EIF4B: variants seen among roughly 807,000 people sequenced by gnomAD.
The protein encoded by EIF4B is eukaryotic translation initiation factor 4B.
EIF4B carries 8 observed loss-of-function variants against 79.3 expected under a neutral mutation model. That is an observed-to-expected ratio of 0.10 (90% CI 0.06 to 0.18). The LOEUF (loss-of-function observed/expected upper bound fraction) is 0.18, where lower values mean the gene tolerates loss of function less well. Among genes scored for constraint, EIF4B ranks in the 10% least tolerant of loss-of-function variants. The probability of loss-of-function intolerance (pLI) is 1.00; values close to 1 mark genes in which losing one functional copy is unlikely to be tolerated. For missense variants in EIF4B, 515 were observed against 792.4 expected (o/e 0.65, Z 4.20); for synonymous variants, 238 against 274.7 (o/e 0.87, Z 1.32).
In EIF4B at chr12:53,018,999, G is replaced by T; in HGVS notation, c.353G>T (p.Gly118Val). Residue 118 changes from glycine (G) to valine (V), a missense_variant, in exon 3 of 15, where the codon GGA becomes GTA. Physicochemically the swap from Gly to Val is moderately radical, Grantham distance 109. Around this residue, in one of 6 missense-constraint regions of EIF4B, gnomAD observed 105 missense variants for 177.2 expected, o/e 0.59. Coordinates refer to ENST00000262056, the MANE Select transcript of EIF4B (RefSeq NM_001417.7). Reference protein sequence around the residue: ...TEESIKEFFRGLNISAVRLPR... With the variant: ...TEESIKEFFRVLNISAVRLPR... ...GAGTCAATTAAGGAATTCTTTCGAG[G>T]ATTAAATGTAAGTGTAAAAGTTGTA... 1 of 1,613,670 alleles carries T rather than the reference G, an allele frequency of 6.2e-7. No homozygotes were observed. Among genetic ancestry groups the T allele is most frequent in the Non-Finnish European group, 8.5e-7 (1 of 1,179,770 alleles).
In EIF4B at chr12:53,040,273, T is replaced by G. The variant is rs1401360860; in HGVS notation, c.*50T>G. 1 of 1,506,672 alleles carries G rather than the reference T, an allele frequency of 6.6e-7. No individual in the cohort carries two copies. Among genetic ancestry groups the G allele is most frequent in the East Asian group, 2.3e-5 (1 of 44,166 alleles). 93.3% of individuals were successfully genotyped at this position (1,506,672 alleles called of 1,614,324 possible). Reference sequence around the variant, plus strand: ...CTAGTTTCTCTCCACCCTGGAACATTCGAGAGCAAATCAAAACCTCTATCC... The same window carrying G: ...CTAGTTTCTCTCCACCCTGGAACATGCGAGAGCAAATCAAAACCTCTATCC... On this transcript the variant is annotated 3_prime_UTR_variant, in exon 15 of 15. Coordinates refer to ENST00000262056, the MANE Select transcript of EIF4B (RefSeq NM_001417.7).
intron 5 of EIF4B, 194 bp downstream of exon 5, chr12:53,022,054 G>C (rs1161890493): frequency 1.2e-5 from 8 of 663,494 alleles, no homozygotes. Flanking sequence ...TGGAGGGAGT[G>C]CTGCTGACAT....
At chr12:53,039,415 T>C in intron 13 of EIF4B, 72 bp downstream of exon 13, 2 of 1,350,918 alleles carry the variant, frequency 1.5e-6, no homozygotes, top group Non-Finnish European at 2.0e-6. Context: ...AGTTCTTGGT[T>C]CTCAGAGCAC....
intron 8 of EIF4B, among the ~76,000 whole-genome samples, chr12:53,030,502 A>C (rs1291490754): frequency 3.0e-5 from 4 of 131,306 alleles, no homozygotes; most frequent in Non-Finnish European, 6.3e-5. Flanking sequence ...GCTCACTGCA[A>C]CCTCTGCCTC....
chr12:53,033,787 A>C lies in EIF4B; in HGVS notation c.980-19A>C, dbSNP rs1473324829. On this transcript the variant is annotated intron_variant, in intron 8 of 14. Coordinates refer to ENST00000262056, the MANE Select transcript of EIF4B (RefSeq NM_001417.7). Reference sequence around the variant, plus strand: ...TCTGGTGATTGGAAAACTATTACTTAAAGTTTCATTTAACTTAGGTCCCCC... The same window carrying C: ...TCTGGTGATTGGAAAACTATTACTTCAAGTTTCATTTAACTTAGGTCCCCC... 6.4e-7 allele frequency: 1 copy of C among 1,567,942 alleles called. No individual in the cohort carries two copies. The highest frequency in any genetic ancestry group is 8.6e-7 in the Non-Finnish European group (1 of 1,159,198).
chr12:53,040,804 C>T lies in EIF4B; in HGVS notation c.*581C>T, dbSNP rs1365229005. 2 of 129,394 alleles carry T rather than the reference C, an allele frequency of 1.5e-5. No homozygotes were observed. The highest frequency in any genetic ancestry group is 4.1e-4 in the East Asian group (2 of 4,840). The allele number at this position is 129,394 out of a possible 1,614,324, so 8.0% of individuals were successfully genotyped here. On this transcript the variant is annotated 3_prime_UTR_variant, in exon 15 of 15. Transcript: ENST00000262056. ...AGGGAATTCCTTTTTTTTTTTTAAC[C>T]CCCCAGGGGGGTAGTTGGGAGTGAG...
intron 8 of EIF4B, 60 bp from the exon 9 acceptor site, chr12:53,033,746 C>CT: frequency 6.6e-7 from 1 of 1,511,954 alleles, no homozygotes. Flanking sequence ...AGAAATCTGG[C>CT]TTTCAGCCAT....
intron 8 of EIF4B, among the ~76,000 whole-genome samples, chr12:53,029,354 T>C (rs1943394376): frequency 6.7e-6 from 1 of 148,752 alleles, no homozygotes; most frequent in Non-Finnish European, 1.5e-5. Flanking sequence ...GGCCCAGAAT[T>C]TTTTCTATCC....
chr12:53,019,154 T>C, intron 3 of EIF4B, 148 bp downstream of exon 3: 1 of 987,814 alleles, frequency 1.0e-6, no homozygotes, highest in Middle Eastern at 3.3e-4. Context: ...ATCCCAGCAC[T>C]CTGGGAGTCT....
Position 53,034,714 on chromosome 12 carries a change from G to A in EIF4B, c.1306+5G>A, listed in dbSNP as rs764976602. The A allele has an allele frequency of 6.2e-7, 1 of 1,614,040 alleles. No homozygotes were observed. The highest frequency in any genetic ancestry group is 1.1e-5 in the South Asian group (1 of 91,080). ...CCTCCACCACATCTAGCAGAAGTAA[G>A]TCAGACCAGGGTGGGTATCGTGTTA... On this transcript the variant is annotated splice_donor_5th_base_variant and intron_variant, in intron 10 of 14. Coordinates refer to ENST00000262056, the MANE Select transcript of EIF4B (RefSeq NM_001417.7).
intron 6 of EIF4B, among the ~76,000 whole-genome samples, chr12:53,025,514 C>G (rs1352672261): frequency 6.6e-6 from 1 of 152,168 alleles, no homozygotes; most frequent in Non-Finnish European, 1.5e-5. Flanking sequence ...GCATGTGCTG[C>G]TTTTCTCCAG....
intron 6 of EIF4B, among the ~76,000 whole-genome samples, chr12:53,024,448 C>T (rs2037416): frequency 0.8 from 121,602 of 152,076 alleles, 50,916 homozygotes; most frequent in Non-Finnish European, 0.93. Context: ...TTTAACCACC[C>T]TTTTAATTGT....
intron 8 of EIF4B, 105 bp downstream of exon 8, chr12:53,028,293 C>A: frequency 7.1e-7 from 1 of 1,411,346 alleles, no homozygotes; most frequent in Non-Finnish European, 9.4e-7. Flanking sequence ...ATATAATTTG[C>A]ACATTGTACA....
intron 14 of EIF4B, 121 bp from the exon 15 acceptor site, chr12:53,040,022 C>T: frequency 8.9e-7 from 1 of 1,125,800 alleles, no homozygotes. Context: ...TGCTGATGAG[C>T]AAGCAAGTGG....
chr12:53,028,579 C>T (rs1943380523), intron 8 of EIF4B, among the ~76,000 whole-genome samples: 1 of 150,398 alleles, frequency 6.6e-6, no homozygotes, highest in African/African-American at 2.4e-5. Context: ...AAAGCATTGG[C>T]TAAGGATGAC....
intron 11 of EIF4B, 108 bp downstream of exon 11, chr12:53,037,730 G>C: frequency 8.2e-7 from 1 of 1,213,332 alleles, no homozygotes. Flanking sequence ...CACCTTATAA[G>C]TTATGCTGGC....
intron 1 of EIF4B, among the ~76,000 whole-genome samples, chr12:53,007,170 A>G (rs1942979770): frequency 6.6e-6 from 1 of 151,986 alleles, no homozygotes; most frequent in East Asian, 1.9e-4. Context: ...CTGTGCCTGT[A>G]TTCTTCTAAG....
At chr12:53,018,368 AG>A (rs1252885757) in intron 2 of EIF4B, among the ~76,000 whole-genome samples, 1 of 152,194 alleles carries the variant, frequency 6.6e-6, no homozygotes, top group Non-Finnish European at 1.5e-5. Flanking sequence ...AAGAGTTGTC[AG>A]TAGTGGTTAA....
intron 1 of EIF4B, among the ~76,000 whole-genome samples, chr12:53,013,367 C>T (rs756264611): frequency 2.0e-5 from 3 of 152,318 alleles, no homozygotes; most frequent in Middle Eastern, 6.8e-3. Context: ...CTGTAGCTAG[C>T]ATCATATTAA....
Sources: allele counts gnomAD v4.1 joint callset (sites outside exome capture counted in the v4.1 genomes callset), GRCh38; gene constraint gnomAD v4.1.1; regional missense constraint gnomAD v4.1.1; transcripts MANE v1.5; gene names NCBI Gene and HGNC (gene_info 2026-07-23, HGNC 2026-07-21).